The following ARFGEF3 variants were observed in gnomAD, a reference collection of about 807,000 sequenced individuals.
The protein encoded by ARFGEF3 is ARFGEF family member 3.
A neutral mutation model predicts 221.7 loss-of-function variants in ARFGEF3; 96 were observed. The observed-to-expected ratio is 0.43, with a 90% CI of 0.37 to 0.51. The LOEUF (loss-of-function observed/expected upper bound fraction) is 0.51. ARFGEF3 is among the 20% of genes least tolerant of loss of function. The probability of loss-of-function intolerance (pLI) is 0.00; values close to 1 mark genes in which losing one functional copy is unlikely to be tolerated. For synonymous variants in ARFGEF3, 1,145 were observed against 1,126.8 expected, an observed-to-expected ratio of 1.02 and a Z score of -0.32; for missense variants, 2,410 against 2,789.9, an observed-to-expected ratio of 0.86 and a Z score of 3.07.
intron 32 of ARFGEF3, among the ~76,000 whole-genome samples, chr6:138,330,072 G>T (rs1031459112): frequency 1.3e-5 from 2 of 152,166 alleles, no homozygotes; most frequent in African/African-American, 4.8e-5. Flanking sequence ...AATTTCACAA[G>T]ATAATGTCAT....
chr6:138,333,206 C>T (rs1780257861), intron 32 of ARFGEF3, among the ~76,000 whole-genome samples: 1 of 152,072 alleles, frequency 6.6e-6, no homozygotes, highest in Admixed American at 6.5e-5. Flanking sequence ...GTTGAGCATC[C>T]CTAACCCCAA....
chr6:138,313,015 T>C (rs1387870695), intron 25 of ARFGEF3, among the ~76,000 whole-genome samples: 2 of 152,170 alleles, frequency 1.3e-5, no homozygotes, highest in Non-Finnish European at 2.9e-5. Context: ...CAGCCTTCAC[T>C]ATTTCTAGTA....
rs1379940700 is a variant in ARFGEF3 at position 138,292,012 on chromosome 6, C to G, written c.3327C>G (p.Ser1109Arg). ...FRGGSLMSGS[S>R]AAKVVLTLST... is the part of the protein sequence containing the mutation. Reference sequence around the variant, plus strand: ...GCGGGAGCCTCATGAGCGGGAGCAGCGCGGCCAAGGTGGTGCTCACCCTCT... The same window carrying G: ...GCGGGAGCCTCATGAGCGGGAGCAGGGCGGCCAAGGTGGTGCTCACCCTCT... Residue 1109 changes from serine to arginine, a missense_variant, in exon 19 of 34, where the codon AGC becomes AGG. Physicochemically the swap from Ser to Arg is moderately radical, Grantham distance 110 (BLOSUM62 -1). Transcript: ENST00000251691. 1 of 1,523,646 alleles carries G rather than the reference C, an allele frequency of 6.6e-7. No homozygotes were observed. The highest frequency in any genetic ancestry group is 8.8e-7 in the Non-Finnish European group (1 of 1,140,932). 94.4% of individuals were successfully genotyped at this position (1,523,646 alleles called of 1,614,324 possible).
Position 138,280,011 on chromosome 6 carries a change from A to G in ARFGEF3, c.2308A>G (p.Lys770Glu), listed in dbSNP as rs1425747436. Residue 770 changes from lysine (K) to glutamate (E), a missense_variant, in exon 14 of 34, where the codon AAG (lysine) becomes GAG (glutamate). Physicochemically the swap from Lys to Glu is moderately conservative, Grantham distance 56 (BLOSUM62 1). Around this residue, in one of 5 missense-constraint regions of ARFGEF3, gnomAD observed 594 missense variants for 734.3 expected, o/e 0.81. Transcript: ENST00000251691. ...GATCTCTCTGTAGAAGGACTTCATG[A>G]AGCAGGTGCAGACCAGCGGCGTGCT... Reference protein sequence around the residue: ...LAPGVMKDFMKQVQTSGVLMV... With the variant: ...LAPGVMKDFMEQVQTSGVLMV... 6.2e-7 allele frequency: 1 copy of G among 1,613,904 alleles called. No homozygotes were observed. Among genetic ancestry groups the G allele is most frequent in the African/African-American group, 1.3e-5 (1 of 75,042 alleles).
intron 3 of ARFGEF3, among the ~76,000 whole-genome samples, chr6:138,208,821 A>T (rs549479545): frequency 6.6e-5 from 10 of 152,334 alleles, no homozygotes; most frequent in African/African-American, 2.4e-4. Context: ...GCACAAGTGA[A>T]ACCTTATCTG....
intron 4 of ARFGEF3, among the ~76,000 whole-genome samples, chr6:138,213,319 TTGG>T (rs1777769808): frequency 6.6e-6 from 1 of 150,658 alleles, no homozygotes; most frequent in African/African-American, 2.4e-5. Context: ...TAGCAGGGCA[TTGG>T]TGGTGTGAGC....
At chr6:138,309,858 T>A (rs1206305209) in intron 24 of ARFGEF3, among the ~76,000 whole-genome samples, 8 of 152,202 alleles carry the variant, frequency 5.3e-5, no homozygotes, top group Admixed American at 5.2e-4. Flanking sequence ...CTTGGCTGAT[T>A]AGATGGTGTC....
At chr6:138,191,003 CT>C (rs1777294218) in intron 2 of ARFGEF3, among the ~76,000 whole-genome samples, 1 of 152,124 alleles carries the variant, frequency 6.6e-6, no homozygotes, top group South Asian at 2.1e-4. Flanking sequence ...GGATCCATGA[CT>C]CCAGGAGCTT....
chr6:138,219,496 T>A (rs1777938814), intron 4 of ARFGEF3, among the ~76,000 whole-genome samples: 1 of 152,176 alleles, frequency 6.6e-6, no homozygotes, highest in Non-Finnish European at 1.5e-5. Flanking sequence ...TGGAAGAGGC[T>A]GAGCCAGAGG....
intron 3 of ARFGEF3, among the ~76,000 whole-genome samples, chr6:138,208,421 G>T (rs1777663110): frequency 6.6e-6 from 1 of 152,098 alleles, no homozygotes. Context: ...AAAATTTCAG[G>T]GAGTCTTAAG....
Position 138,321,172 on chromosome 6 carries a change from C to A in ARFGEF3, c.4713C>A (p.Ala1571=). 6.4e-7 allele frequency: 1 copy of A among 1,564,340 alleles called. No individual in the cohort carries two copies. The part of the protein sequence containing the change: ...MLKDLFELLV[A]CVAKPTETIS... The stretch of plus-strand genomic sequence containing the variant: ...AGGACCTCTTTGAGTTGCTGGTCGC[C>A]TGTGTGGCCAAGCCCACTGAAACCA... The change falls in exon 29 of 34, where the codon GCC becomes GCA. Residue 1571 remains alanine (A), a synonymous_variant. Coordinates refer to ENST00000251691, the MANE Select transcript of ARFGEF3 (RefSeq NM_020340.5).
At chr6:138,324,880 G>T (rs760816870) in intron 31 of ARFGEF3, among the ~76,000 whole-genome samples, 1 of 152,220 alleles carries the variant, frequency 6.6e-6, no homozygotes, top group Non-Finnish European at 1.5e-5. Context: ...GCAGTCTGCC[G>T]CTAGGAAACC....
intron 4 of ARFGEF3, among the ~76,000 whole-genome samples, chr6:138,211,108 A>C (rs761970216): frequency 2.2e-4 from 33 of 152,176 alleles, no homozygotes; most frequent in South Asian, 4.1e-4. Context: ...AATGGGGGCA[A>C]TAGTAGGACC....
chr6:138,222,266 T>C (rs373546277), intron 4 of ARFGEF3, among the ~76,000 whole-genome samples: 1 of 151,836 alleles, frequency 6.6e-6, no homozygotes, highest in East Asian at 1.9e-4. Flanking sequence ...TAAAAAAAAA[T>C]TGCAAAACAA....
chr6:138,275,578 T>C (rs186207324), intron 12 of ARFGEF3, among the ~76,000 whole-genome samples: 70 of 152,156 alleles, frequency 4.6e-4, no homozygotes, highest in African/African-American at 1.7e-3. Flanking sequence ...ACCCTGTCTT[T>C]ACTAAAAATA....
chr6:138,260,479 T>G (rs911707293), intron 10 of ARFGEF3, among the ~76,000 whole-genome samples: 5 of 152,220 alleles, frequency 3.3e-5, no homozygotes, highest in Non-Finnish European at 5.9e-5. Flanking sequence ...TATAAAAATG[T>G]GTTAGAAATG....
intron 11 of ARFGEF3, among the ~76,000 whole-genome samples, chr6:138,261,996 C>A (rs1249403421): frequency 2.0e-5 from 3 of 152,068 alleles, no homozygotes; most frequent in African/African-American, 7.2e-5. Flanking sequence ...TCACATACAT[C>A]TGTTCAGGAA....
chr6:138,263,375 G>T lies in ARFGEF3; in HGVS notation c.1892G>T (p.Gly631Val). The change falls in exon 12 of 34, where the codon GGG (glycine) becomes GTG (valine). Residue 631 changes from glycine to valine, a missense_variant. Coordinates refer to ENST00000251691, the MANE Select transcript of ARFGEF3 (RefSeq NM_020340.5). ...DSGRSDVSDI[G>V]SDNCSLADEE... Reference sequence around the variant, plus strand: ...GGCAGGTCCGACGTGTCAGACATTGGGTCGGACAACTGTTCACTAGCCGAT... The same window carrying T: ...GGCAGGTCCGACGTGTCAGACATTGTGTCGGACAACTGTTCACTAGCCGAT... 1 of 1,613,984 alleles carries T rather than the reference G, an allele frequency of 6.2e-7. No homozygotes were observed. The highest frequency in any genetic ancestry group is 8.5e-7 in the Non-Finnish European group (1 of 1,179,876).
At chr6:138,333,863 T>C in intron 32 of ARFGEF3, 107 bp from the exon 33 acceptor site, 2 of 1,281,998 alleles carry the variant, frequency 1.6e-6, no homozygotes, top group Non-Finnish European at 1.1e-6. Context: ...GTAGTTTAGT[T>C]TGTAAATTTG....
Sources: gnomAD v4.1 joint callset for allele counts (sites outside exome capture counted in the v4.1 genomes callset) on GRCh38, gnomAD v4.1.1 for gene constraint, gnomAD v4.1.1 regional missense constraint, MANE v1.5 for transcripts, NCBI Gene and HGNC (gene_info 2026-07-23, HGNC 2026-07-21) for gene names.